The following VAV2 variants were observed in gnomAD, a reference collection of about 807,000 sequenced individuals.
The protein encoded by VAV2 is guanine nucleotide exchange factor VAV2.
In VAV2, 67 loss-of-function variants were observed where a neutral mutation model predicts 132.5. The observed-to-expected ratio is 0.51, with a 90% CI of 0.42 to 0.62. VAV2 has a LOEUF of 0.62. VAV2 is among the 20% of genes least tolerant of loss of function. The pLI is 0.00. For synonymous variants in VAV2, 492 were observed against 443.5 expected (o/e 1.11, Z -1.37); for missense variants, 938 against 1,153.6 (o/e 0.81, Z 2.71).
Position 133,991,939 on chromosome 9 carries a change from C to T in VAV2, c.204+136G>A. 2 of 683,788 alleles carry T rather than the reference C, an allele frequency of 2.9e-6. No homozygotes were observed. The highest frequency in any genetic ancestry group is 3.7e-6 in the Non-Finnish European group (2 of 534,884). The allele number at this position is 683,788 out of a possible 1,614,324, so 42.4% of individuals were successfully genotyped here. ...AGGCCCGGGGCGCACCCTCCAGCCG[C>T]CCGCCCGCGTCCCGGAGCCCGGCCG... On this transcript the variant is annotated intron_variant, in intron 1 of 29. Coordinates refer to ENST00000371850, the MANE Select transcript of VAV2 (RefSeq NM_001134398.2). This position sits in a 1 kb window ranked among gnomAD's most constrained non-coding sequence, Gnocchi z 4.8.
chr9:133,778,336 A>G (rs565176463), intron 22 of VAV2, among the ~76,000 whole-genome samples: 1 of 152,254 alleles, frequency 6.6e-6, no homozygotes, highest in African/African-American at 2.4e-5. Flanking sequence ...TCACCCCACG[A>G]TCATGCGAAG....
At chr9:133,780,166 C>T (rs911352567) in intron 20 of VAV2, 5 of 577,936 alleles carry the variant, frequency 8.7e-6, no homozygotes, top group Non-Finnish European at 1.5e-5. Context: ...CCTTCTCTCT[C>T]CCACTCCTTA....
intron 2 of VAV2, among the ~76,000 whole-genome samples, chr9:133,886,351 C>T (rs935911290): frequency 5.9e-5 from 9 of 152,238 alleles, no homozygotes; most frequent in African/African-American, 2.2e-4. Flanking sequence ...TACCGCGTGC[C>T]TAACCCTGCC....
At position 133,961,706 on chromosome 9, in the gene VAV2, C is replaced by G. The variant is rs1014470312; in HGVS notation, c.205-22487G>C. Among the ~76,000 whole-genome samples, 1 of 152,190 alleles carries G rather than the reference C, an allele frequency of 6.6e-6. No homozygotes were observed. Among genetic ancestry groups the G allele is most frequent in the Admixed American group, 6.5e-5 (1 of 15,284 alleles). On this transcript the variant is annotated intron_variant, in intron 1 of 29. Transcript: ENST00000371850. The surrounding 1 kb of genome is among the most constrained non-coding windows in gnomAD (Gnocchi z 4.1). ...TGCAAACCCCTAGCCGGTTTGCCTG[C>G]GAACTCCCAAGCCAGCTGCAGAAAA...
intron 1 of VAV2, among the ~76,000 whole-genome samples, chr9:133,965,059 T>C (rs1842100101): frequency 1.3e-5 from 2 of 152,150 alleles, no homozygotes; most frequent in South Asian, 2.1e-4. Context: ...TGATCTTAGA[T>C]ATAGAAAACC....
chr9:133,868,369 G>A (rs182653781), intron 2 of VAV2, among the ~76,000 whole-genome samples: 306 of 152,334 alleles, frequency 2.0e-3, no homozygotes, highest in African/African-American at 7.0e-3. Flanking sequence ...ATGGGGAAGA[G>A]CCCAGACTGC....
rs554568016 is a variant in VAV2, at chr9:133,824,943, G to A, written c.449+9329C>T. ...AGCGTCTTGACAGAGGGACCCTCCG[G>A]GGACGCTGGCTTCATTCACTCCATT... On this transcript the variant is annotated intron_variant, in intron 4 of 29. Coordinates refer to ENST00000371850, the MANE Select transcript of VAV2 (RefSeq NM_001134398.2). The surrounding 1 kb of genome is among the most constrained non-coding windows in gnomAD (Gnocchi z 5.2). Among the ~76,000 whole-genome samples, 20 of 152,308 alleles carry A rather than the reference G, an allele frequency of 1.3e-4. No homozygotes were observed. The highest frequency in any genetic ancestry group is 4.6e-4 in the African/African-American group (19 of 41,582).
chr9:133,950,335 C>T (rs1372915259), intron 1 of VAV2, among the ~76,000 whole-genome samples: 1 of 152,092 alleles, frequency 6.6e-6, no homozygotes, highest in Non-Finnish European at 1.5e-5. Flanking sequence ...AACTCTGCAC[C>T]CGCCTCCAGT....
intron 25 of VAV2, among the ~76,000 whole-genome samples, chr9:133,774,278 ACCCCC>A (rs1833733027): frequency 6.6e-6 from 1 of 152,054 alleles, no homozygotes; most frequent in African/African-American, 2.4e-5. Flanking sequence ...TGTGCGCCCT[ACCCCC>A]AGCTCCTGGT....
chr9:133,916,794 G>C (rs1422415542), intron 2 of VAV2, among the ~76,000 whole-genome samples: 2 of 75,212 alleles, frequency 2.7e-5, no homozygotes, highest in African/African-American at 6.7e-5. Flanking sequence ...TCTGAATGCA[G>C]ATGTTGGGAC....
chr9:133,765,107 A>G (rs1298310802), intron 29 of VAV2, among the ~76,000 whole-genome samples: 1 of 152,236 alleles, frequency 6.6e-6, no homozygotes, highest in Non-Finnish European at 1.5e-5. Context: ...TTTTCCTTAC[A>G]GTAGAATGCC....
chr9:133,795,887 A>T, intron 11 of VAV2, 151 bp from the exon 12 acceptor site: 1 of 739,694 alleles, frequency 1.4e-6, no homozygotes, highest in Non-Finnish European at 2.2e-6. Context: ...GCTGCCCGAC[A>T]CCAAAGGACA....
chr9:133,800,760 T>G (rs1834898588), intron 9 of VAV2, among the ~76,000 whole-genome samples: 2 of 152,060 alleles, frequency 1.3e-5, no homozygotes, highest in African/African-American at 4.8e-5. Flanking sequence ...GGGGCTGGAG[T>G]GCAGATCCCA....
At chr9:133,858,972 A>C (rs1297292144) in intron 3 of VAV2, among the ~76,000 whole-genome samples, 3 of 152,208 alleles carry the variant, frequency 2.0e-5, no homozygotes, top group Admixed American at 6.5e-5. Flanking sequence ...TGCCAGCCCC[A>C]GGACCAGGGC....
chr9:133,932,849 G>A (rs1386571213), intron 2 of VAV2, among the ~76,000 whole-genome samples: 1 of 152,228 alleles, frequency 6.6e-6, no homozygotes, highest in African/African-American at 2.4e-5. Flanking sequence ...GGGTTTCCAG[G>A]GGTCCATCTG....
At chr9:133,937,266 G>A (rs1172749400) in intron 2 of VAV2, among the ~76,000 whole-genome samples, 1 of 152,136 alleles carries the variant, frequency 6.6e-6, no homozygotes, top group Non-Finnish European at 1.5e-5. Flanking sequence ...GTGTGAATGT[G>A]TATGGGTGAC....
Position 133,764,302 on chromosome 9 carries a change from G to T in VAV2, c.2590-193C>A, listed in dbSNP as rs375804937. Among the ~76,000 whole-genome samples, 19 of 152,090 alleles carry T rather than the reference G, an allele frequency of 1.2e-4. No individual in the cohort carries two copies. In the South Asian group the frequency reaches 2.1e-3, roughly 17 times the overall value. On this transcript the variant is annotated intron_variant, in intron 29 of 29. Transcript: ENST00000371850. ...GCAACCCAGAAAAACACCACCCTTG[G>T]CCAGTTTAAGATGATCTGCCCACCC...
At chr9:133,931,631 C>T (rs1840691916) in intron 2 of VAV2, among the ~76,000 whole-genome samples, 1 of 152,224 alleles carries the variant, frequency 6.6e-6, no homozygotes, top group African/African-American at 2.4e-5. Flanking sequence ...GAGAGAGCAA[C>T]AGCATCCTCA....
intron 26 of VAV2, among the ~76,000 whole-genome samples, chr9:133,771,105 C>G (rs1468776407): frequency 6.7e-6 from 1 of 149,126 alleles, no homozygotes; most frequent in Admixed American, 6.7e-5. Flanking sequence ...ACTCTGTCAC[C>G]CAGGCTGGAG....
Sources: allele counts gnomAD v4.1 joint callset (sites outside exome capture counted in the v4.1 genomes callset), GRCh38; gene constraint gnomAD v4.1.1; non-coding constraint Gnocchi (gnomAD v3.1); transcripts MANE v1.5; gene names NCBI Gene and HGNC (gene_info 2026-07-23, HGNC 2026-07-21).